The following MTERF4 variants were observed in gnomAD, a reference collection of about 807,000 sequenced individuals.
MTERF4 encodes mitochondrial transcription termination factor 4.
Under a neutral mutation model 22.5 loss-of-function variants are expected in MTERF4, and 17 were observed. The observed-to-expected ratio is 0.75, with a 90% CI of 0.52 to 1.13. The LOEUF is 1.13. Among genes scored for constraint, MTERF4 ranks in the 50% most tolerant of loss-of-function variants. The pLI is 0.00. For synonymous variants in MTERF4, 165 were observed against 175.3 expected, an observed-to-expected ratio of 0.94 and a Z score of 0.47; for missense variants, 420 against 466.8, an observed-to-expected ratio of 0.90 and a Z score of 0.92.
chr2:241,063,671 C>G, the MTERF4 span: 1 of 1,611,450 alleles, frequency 6.2e-7, no homozygotes, highest in Middle Eastern at 1.7e-4. Flanking sequence ...CGGTGCCCTG[C>G]AGGCTTCGTT....
chr2:241,071,034 G>A (rs1332475592), downstream of MTERF4, among the ~76,000 whole-genome samples: 1 of 152,224 alleles, frequency 6.6e-6, no homozygotes, highest in Non-Finnish European at 1.5e-5. Context: ...CCAGGCAGAA[G>A]GGGCAGGCTG....
At chr2:241,067,861 T>C, downstream of MTERF4, 2 of 1,613,388 alleles carry the variant, frequency 1.2e-6, no homozygotes, top group Non-Finnish European at 1.7e-6. Context: ...CCACCGTCAG[T>C]GGGGTCCGTG....
downstream of MTERF4, chr2:241,092,487 T>A (rs1434394697): frequency 6.6e-6 from 1 of 152,108 alleles, no homozygotes; most frequent in Non-Finnish European, 1.5e-5. The surrounding 1 kb of genome is among the most constrained non-coding windows in gnomAD (Gnocchi z 4.6). Context: ...TTCTATGAGA[T>A]CACCTAGGCT....
chr2:241,057,650 C>T, the MTERF4 span, among the ~76,000 whole-genome samples: 1 of 151,866 alleles, frequency 6.6e-6, no homozygotes, highest in Non-Finnish European at 1.5e-5. Context: ...TGCCACTGCC[C>T]TCCAGCCTGG....
the MTERF4 span, chr2:241,063,621 T>C: frequency 1.9e-6 from 3 of 1,611,760 alleles, no homozygotes; most frequent in Non-Finnish European, 1.7e-6. Context: ...CGTGCAGAAA[T>C]GGAGGGTCCT....
chr2:241,086,301 A>G (rs1443688310), downstream of MTERF4, among the ~76,000 whole-genome samples: 2 of 152,202 alleles, frequency 1.3e-5, no homozygotes, highest in Non-Finnish European at 2.9e-5. Context: ...ATTTCCAACC[A>G]CAGGCCCAAG....
At chr2:241,084,001 A>G (rs2125315268), downstream of MTERF4, among the ~76,000 whole-genome samples, 2 of 151,432 alleles carry the variant, frequency 1.3e-5, no homozygotes, top group South Asian at 4.2e-4. Flanking sequence ...TGTCTCCACT[A>G]TGGGCTTACT....
chr2:241,055,808 G>C, the MTERF4 span, among the ~76,000 whole-genome samples: 5,246 of 152,278 alleles, frequency 0.034, 302 homozygotes, highest in African/African-American at 0.12. Context: ...AGTCTCACAA[G>C]GATTAGATTC....
chr2:241,069,941 T>C (rs2125231893), downstream of MTERF4: 1 of 1,612,734 alleles, frequency 6.2e-7, no homozygotes, highest in Non-Finnish European at 8.5e-7. This position sits in a 1 kb window ranked among gnomAD's most constrained non-coding sequence, Gnocchi z 4.9. Context: ...CCAGCAAACC[T>C]GACCGCCGCC....
At chr2:241,099,174 A>T in intron 2 of MTERF4, 1 of 502,802 alleles carries the variant, frequency 2.0e-6, no homozygotes, top group Non-Finnish European at 3.5e-6. Context: ...TCCTGGGTTC[A>T]AGCGATTTTC....
chr2:241,088,867 C>T (rs10933529), downstream of MTERF4: 59,677 of 199,566 alleles, frequency 0.3, 13,615 homozygotes, highest in African/African-American at 0.67. Context: ...ATCTTGTGAA[C>T]GGCATTCTGT....
the MTERF4 span, chr2:241,064,808 C>A: frequency 6.9e-7 from 1 of 1,453,850 alleles, no homozygotes; most frequent in Non-Finnish European, 9.2e-7. This position sits in a 1 kb window ranked among gnomAD's most constrained non-coding sequence, Gnocchi z 7.0. Flanking sequence ...CCCCTGGCCA[C>A]GCCCCAACAT....
chr2:241,068,450 G>A (rs369189469), downstream of MTERF4, among the ~76,000 whole-genome samples: 4 of 152,138 alleles, frequency 2.6e-5, no homozygotes, highest in East Asian at 1.9e-4. This position sits in a 1 kb window ranked among gnomAD's most constrained non-coding sequence, Gnocchi z 5.3. Context: ...CGTGCTCAGC[G>A]CAGGCAGGGG....
At chr2:241,081,905 C>G (rs2063346362) in intron 4 of MTERF4, 1 of 800,986 alleles carries the variant, frequency 1.2e-6, no homozygotes, top group Non-Finnish European at 2.1e-6. Flanking sequence ...GATGAGGTGC[C>G]AGACAGGGAG....
the MTERF4 span, chr2:241,063,866 G>A: frequency 1.4e-6 from 1 of 735,846 alleles, no homozygotes; most frequent in Non-Finnish European, 2.2e-6. Flanking sequence ...GGGTGCTGGG[G>A]AGGGCTGAGG....
the MTERF4 span, among the ~76,000 whole-genome samples, chr2:241,043,610 T>C: frequency 6.6e-6 from 1 of 152,154 alleles, no homozygotes; most frequent in South Asian, 2.1e-4. Flanking sequence ...AATATGTGGG[T>C]TGAAGACTTT....
downstream of MTERF4, chr2:241,090,068 CT>C: frequency 6.6e-7 from 1 of 1,517,892 alleles, no homozygotes; most frequent in African/African-American, 1.4e-5. Flanking sequence ...TTAACCTTAG[CT>C]TACTGTAACT....
At position 241,073,092 on chromosome 2, in the gene MTERF4, C is replaced by T. The variant is rs943632660; in HGVS notation, n.3070G>A. 19 of 584,944 alleles carry T rather than the reference C, an allele frequency of 3.2e-5. No individual in the cohort carries two copies. Among genetic ancestry groups the T allele is most frequent in the Admixed American group, 5.9e-5 (2 of 33,732 alleles). The allele number at this position is 584,944 out of a possible 1,614,324, so 36.2% of individuals were successfully genotyped here. A position where few individuals can be genotyped will look rare whatever the true frequency, so the allele number is the denominator to read the frequency against. On this transcript the variant is annotated non_coding_transcript_exon_variant, in exon 5 of 5. Transcript: ENST00000464344. This position sits in a 1 kb window ranked among gnomAD's most constrained non-coding sequence, Gnocchi z 6.6. ...AGGGTCAGCAGGAGGGTGAGGCCAG[C>T]CCTTCAGGGGAGGCAGCTCTGGGGC...
chr2:241,050,463 A>AGG, the MTERF4 span, among the ~76,000 whole-genome samples: 1 of 152,078 alleles, frequency 6.6e-6, no homozygotes, highest in Non-Finnish European at 1.5e-5. Flanking sequence ...CAGTGCCCAG[A>AGG]GGGGGCTGCC....
Sources: gnomAD v4.1 joint callset for allele counts (sites outside exome capture counted in the v4.1 genomes callset) on GRCh38, gnomAD v4.1.1 for gene constraint, Gnocchi (gnomAD v3.1) non-coding constraint, MANE v1.5 for transcripts, NCBI Gene and HGNC (gene_info 2026-07-23, HGNC 2026-07-21) for gene names.